Variants in SMG6 observed in about 807,000 individuals in gnomAD.
SMG6 encodes SMG6 nonsense mediated mRNA decay factor.
SMG6 carries 66 observed loss-of-function variants against 142.2 expected under a neutral mutation model. That is an observed-to-expected ratio of 0.46 (90% CI 0.38 to 0.57). SMG6 has a LOEUF of 0.57. SMG6 is among the 20% of genes least tolerant of loss of function. The pLI is 0.00. For missense variants in SMG6, 1,793 were observed against 1,832.0 expected, an observed-to-expected ratio of 0.98 and a Z score of 0.39; for synonymous variants, 779 against 702.4, an observed-to-expected ratio of 1.11 and a Z score of -1.72.
At chr17:2,207,270 G>A (rs1597600942) in intron 10 of SMG6, among the ~76,000 whole-genome samples, 1 of 152,234 alleles carries the variant, frequency 6.6e-6, no homozygotes, top group South Asian at 2.1e-4. Flanking sequence ...GGGCAACAGA[G>A]CAAGACTGTG....
At chr17:2,193,888 T>C (rs1403724165) in intron 10 of SMG6, among the ~76,000 whole-genome samples, 1 of 152,194 alleles carries the variant, frequency 6.6e-6, no homozygotes, top group East Asian at 1.9e-4. Context: ...AGTGGTGCAG[T>C]GGTACAACTG....
rs1230444360 is a variant in SMG6, at chr17:2,300,423, T to A, written c.330A>T (p.Ile110=). 1 of 1,614,128 alleles carries A rather than the reference T, an allele frequency of 6.2e-7. No individual in the cohort carries two copies. The highest frequency in any genetic ancestry group is 1.1e-5 in the South Asian group (1 of 91,092). Residue 110 remains isoleucine, a synonymous_variant, in exon 2 of 19, where the codon ATA becomes ATT. Coordinates refer to ENST00000263073, the MANE Select transcript of SMG6 (RefSeq NM_017575.5). ...ELNNQEQNGP[I]DPENNRGQES... ...CTTGTCCCCGATTATTTTCTGGGTC[T>A]ATAGGACCATTCTGCTCTTGGTTGT...
intron 13 of SMG6, among the ~76,000 whole-genome samples, chr17:2,141,432 C>A (rs989112445): frequency 1.3e-5 from 2 of 152,130 alleles, no homozygotes; most frequent in Non-Finnish European, 2.9e-5. Context: ...AGGCTGTGTT[C>A]AGTTTGAGAA....
chr17:2,121,558 C>A (rs2069690220), intron 13 of SMG6, among the ~76,000 whole-genome samples: 1 of 135,398 alleles, frequency 7.4e-6, no homozygotes, highest in Non-Finnish European at 1.6e-5. Flanking sequence ...TACACACACA[C>A]ACATATATGT....
intron 8 of SMG6, among the ~76,000 whole-genome samples, chr17:2,279,939 T>C (rs1196597659): frequency 1.3e-5 from 2 of 152,212 alleles, no homozygotes; most frequent in Non-Finnish European, 2.9e-5. Flanking sequence ...GTGTTCCAAC[T>C]GCATGCTCCC....
intron 15 of SMG6, among the ~76,000 whole-genome samples, chr17:2,069,473 G>C (rs2068039476): frequency 6.6e-6 from 1 of 151,834 alleles, no homozygotes; most frequent in Admixed American, 6.6e-5. Flanking sequence ...GCACACGCCT[G>C]TGGTCCCAGC....
intron 8 of SMG6, among the ~76,000 whole-genome samples, chr17:2,249,669 G>A (rs2074005116): frequency 6.6e-6 from 1 of 152,188 alleles, no homozygotes; most frequent in Non-Finnish European, 1.5e-5. Context: ...TCTCGGTCAG[G>A]TGGAAAATAA....
intron 13 of SMG6, among the ~76,000 whole-genome samples, chr17:2,115,176 G>A (rs2069468858): frequency 6.6e-6 from 1 of 151,870 alleles, no homozygotes; most frequent in Admixed American, 6.6e-5. Flanking sequence ...ATAACATTAG[G>A]TTGAGAAACC....
intron 10 of SMG6, among the ~76,000 whole-genome samples, chr17:2,191,700 G>A (rs2072168691): frequency 1.3e-5 from 2 of 152,310 alleles, no homozygotes; most frequent in Middle Eastern, 6.8e-3. Context: ...GTGGGCAGGT[G>A]ACCACAGCTC....
intron 4 of SMG6, among the ~76,000 whole-genome samples, chr17:2,294,706 C>T (rs552330262): frequency 6.6e-6 from 1 of 152,122 alleles, no homozygotes; most frequent in Non-Finnish European, 1.5e-5. Context: ...ACAGTATACA[C>T]CCCCAACATC....
intron 13 of SMG6, among the ~76,000 whole-genome samples, chr17:2,097,851 C>T (rs934972413): frequency 2.6e-5 from 4 of 152,180 alleles, no homozygotes; most frequent in East Asian, 1.9e-4. Flanking sequence ...TGAGTGCCCA[C>T]GTGACCTGGT....
rs3055883 is a variant in SMG6, at chr17:2,289,941, C to CATATATATAT, written c.2337+2601_2337+2610dup. 7.7e-3 allele frequency among the ~76,000 whole-genome samples: 1,088 copies of CATATATATAT among 141,534 alleles called. 4 individuals carry two copies. Among genetic ancestry groups the CATATATATAT allele is most frequent in the Non-Finnish European group, 0.01 (685 of 65,312 alleles). The allele number at this position is 141,534 out of a possible 152,430, so 92.9% of individuals were successfully genotyped here. On this transcript the variant is annotated intron_variant, in intron 6 of 18. Transcript: ENST00000263073. ...AAAAAAAAATAATTATTATTTTATA[C>CATATATATAT]ATATATATATATATATATATATATG...
intron 13 of SMG6, among the ~76,000 whole-genome samples, chr17:2,106,801 C>T (rs576353789): frequency 1.3e-5 from 2 of 151,172 alleles, no homozygotes; most frequent in South Asian, 4.2e-4. Context: ...GAAAGAAATT[C>T]TGGGATCTTC....
In SMG6 at chr17:2,268,531, G is replaced by A. The variant is rs550468211; in HGVS notation, c.2661+14116C>T. Among the ~76,000 whole-genome samples, 9 of 152,252 alleles carry A rather than the reference G, an allele frequency of 5.9e-5. No individual in the cohort carries two copies. In the South Asian group the frequency reaches 1.9e-3, roughly 32 times the overall value. The stretch of plus-strand genomic sequence containing the variant: ...CTCATGCCTGTAATCCCAACACTTT[G>A]GGAGGCCGAAGTGGGCAGATCACTA... On this transcript the variant is annotated intron_variant, in intron 8 of 18. Coordinates refer to ENST00000263073, the MANE Select transcript of SMG6 (RefSeq NM_017575.5).
At chr17:2,208,474 A>G (rs761933182) in intron 10 of SMG6, among the ~76,000 whole-genome samples, 46 of 152,204 alleles carry the variant, frequency 3.0e-4, no homozygotes, top group Non-Finnish European at 5.6e-4. Flanking sequence ...GGAGGGGTCC[A>G]CAGCGCAGAC....
chr17:2,292,329 T>C (rs531104236), intron 6 of SMG6, among the ~76,000 whole-genome samples: 12 of 152,170 alleles, frequency 7.9e-5, no homozygotes, highest in South Asian at 2.1e-4. Flanking sequence ...CCTCAGGAAT[T>C]TGAGTGCAGT....
intron 9 of SMG6, chr17:2,237,439 T>C: frequency 1.2e-6 from 1 of 844,680 alleles, no homozygotes; most frequent in Non-Finnish European, 1.4e-6. Flanking sequence ...TGAGGTACTA[T>C]CACACTGACT....
chr17:2,109,092 A>G (rs540779082), intron 13 of SMG6, among the ~76,000 whole-genome samples: 1 of 152,338 alleles, frequency 6.6e-6, no homozygotes, highest in African/African-American at 2.4e-5. Flanking sequence ...GAGCATAATA[A>G]AGGCTATGAC....
At chr17:2,218,741 TACTC>T (rs967680043) in intron 10 of SMG6, among the ~76,000 whole-genome samples, 66 of 152,272 alleles carry the variant, frequency 4.3e-4, no homozygotes, top group African/African-American at 1.3e-3. Flanking sequence ...ACTCCAAACT[TACTC>T]ACTCAGAGTG....
Sources: allele counts gnomAD v4.1 joint callset (sites outside exome capture counted in the v4.1 genomes callset), GRCh38; gene constraint gnomAD v4.1.1; transcripts MANE v1.5; gene names NCBI Gene and HGNC (gene_info 2026-07-23, HGNC 2026-07-21).